Variants in ATL1 observed in about 807,000 individuals in gnomAD.
ATL1 encodes the protein atlastin-1.
In ATL1, 31 loss-of-function variants were observed where a neutral mutation model predicts 75.5. The observed-to-expected ratio is 0.41, with a 90% CI of 0.31 to 0.55. The LOEUF is 0.55. Ranked by LOEUF, ATL1 falls within the 20% of genes least tolerant of loss-of-function variation. The probability of loss-of-function intolerance (pLI) is 0.27; values close to 1 mark genes in which losing one functional copy is unlikely to be tolerated. For missense variants in ATL1, 405 were observed against 662.6 expected (o/e 0.61, Z 4.27); for synonymous variants, 226 against 233.3 (o/e 0.97, Z 0.28).
chr14:50,619,666 A>T (rs1420913702), intron 8 of ATL1, among the ~76,000 whole-genome samples: 4 of 152,226 alleles, frequency 2.6e-5, no homozygotes, highest in African/African-American at 4.8e-5. Flanking sequence ...ATCAAACATG[A>T]CAACTACATA....
At chr14:50,536,811 G>A (rs1478346845) in intron 1 of ATL1, among the ~76,000 whole-genome samples, 1 of 152,174 alleles carries the variant, frequency 6.6e-6, no homozygotes, top group Non-Finnish European at 1.5e-5. Flanking sequence ...AGGGTATCTG[G>A]CAGAAGAAAT....
intron 5 of ATL1, 53 bp downstream of exon 5, chr14:50,593,949 T>C (rs2039188388): frequency 3.1e-6 from 4 of 1,288,954 alleles, no homozygotes; most frequent in East Asian, 2.3e-5. Context: ...GAAACATGTA[T>C]AGCAGAACTT....
chr14:50,551,765 G>A (rs1187496755), intron 1 of ATL1, among the ~76,000 whole-genome samples: 1 of 151,902 alleles, frequency 6.6e-6, no homozygotes, highest in African/African-American at 2.4e-5. Context: ...CAAAAATTAT[G>A]TGATAATCTC....
intron 1 of ATL1, among the ~76,000 whole-genome samples, chr14:50,564,017 GGAATA>G (rs1196707904): frequency 2.0e-5 from 3 of 152,016 alleles, no homozygotes; most frequent in Non-Finnish European, 2.9e-5. Context: ...ATGAGGACAA[GGAATA>G]GTATGCCAAA....
At position 50,584,004 on chromosome 14, in the gene ATL1, G is replaced by A. The variant is rs566507665; in HGVS notation, c.35-3827G>A. 1.6e-4 allele frequency among the ~76,000 whole-genome samples: 24 copies of A among 152,298 alleles called. No homozygotes were observed. The South Asian group carries it at 5.0e-3, about 32-fold the overall frequency. The stretch of plus-strand genomic sequence containing the variant: ...AAATTTGTTTCTCATATTTAAAAAA[G>A]AAATGGCTTTTATCTTCCACCCTAC... On this transcript the variant is annotated intron_variant, in intron 1 of 13. Coordinates refer to ENST00000358385, the MANE Select transcript of ATL1 (RefSeq NM_015915.5).
At chr14:50,624,505 C>A (rs1327449360) in intron 11 of ATL1, among the ~76,000 whole-genome samples, 1 of 152,024 alleles carries the variant, frequency 6.6e-6, no homozygotes, top group Non-Finnish European at 1.5e-5. Flanking sequence ...GCTCCATCAA[C>A]CAGCAGTTCC....
chr14:50,560,113 C>A, upstream of ATL1: 1 of 857,424 alleles, frequency 1.2e-6, no homozygotes, highest in Non-Finnish European at 1.9e-6. Flanking sequence ...TTCCTCCCCA[C>A]TCCTTCCCAC....
At position 50,620,662 on chromosome 14, in the gene ATL1, G is replaced by T; in HGVS notation, c.926G>T (p.Ser309Ile). ...ATTCCTTGGCTACTTAGTCCCGAGA[G>T]CCTAGATATTAAAGAGATCAATGGG... ...ILIPWLLSPE[S>I]LDIKEINGNK... The change falls in exon 9 of 14, where the codon AGC becomes ATC. Residue 309 changes from serine (S) to isoleucine (I), a missense_variant. Physicochemically the swap from Ser to Ile is moderately radical, Grantham distance 142 (BLOSUM62 -2). This residue lies in a region of ATL1 where 56 missense variants were observed against 66.6 expected (regional missense o/e 0.84). Coordinates refer to ENST00000358385, the MANE Select transcript of ATL1 (RefSeq NM_015915.5). 1.9e-6 allele frequency: 3 copies of T among 1,613,744 alleles called. No individual in the cohort carries two copies. Among genetic ancestry groups the T allele is most frequent in the South Asian group, 1.1e-5 (1 of 91,076 alleles).
At chr14:50,582,406 T>G (rs1190410881) in intron 1 of ATL1, among the ~76,000 whole-genome samples, 1 of 151,608 alleles carries the variant, frequency 6.6e-6, no homozygotes, top group African/African-American at 2.4e-5. Context: ...TTACAAACTT[T>G]TCTCTTTTTT....
At chr14:50,575,496 T>C (rs993718185) in intron 1 of ATL1, among the ~76,000 whole-genome samples, 2 of 152,196 alleles carry the variant, frequency 1.3e-5, no homozygotes, top group Non-Finnish European at 2.9e-5. Flanking sequence ...TGTTTCCTTA[T>C]CTCTGTTTGT....
chr14:50,618,877 G>GTGTA (rs760117843), intron 8 of ATL1, among the ~76,000 whole-genome samples: 3,522 of 133,166 alleles, frequency 0.026, 63 homozygotes, highest in African/African-American at 0.069. Flanking sequence ...GTGTGTGTGT[G>GTGTA]TATATATATA....
chr14:50,618,064 G>A (rs2039431329), intron 8 of ATL1, among the ~76,000 whole-genome samples: 1 of 152,114 alleles, frequency 6.6e-6, no homozygotes, highest in African/African-American at 2.4e-5. Context: ...ACACACAGTC[G>A]TATCTTATTC....
intron 1 of ATL1, among the ~76,000 whole-genome samples, chr14:50,562,803 A>G (rs1302623027): frequency 6.6e-6 from 1 of 152,260 alleles, no homozygotes; most frequent in African/African-American, 2.4e-5. Flanking sequence ...TATGACATAA[A>G]TGACTTAGAA....
rs1406810954 is a variant in ATL1, at chr14:50,632,234, G to A, written c.1572G>A (p.Leu524=). 1.2e-6 allele frequency: 2 copies of A among 1,610,864 alleles called. No individual in the cohort carries two copies. Among genetic ancestry groups the A allele is most frequent in the Non-Finnish European group, 1.7e-6 (2 of 1,177,616 alleles). The change falls in exon 14 of 14, where the codon TTG becomes TTA. Residue 524 remains leucine, a synonymous_variant. Coordinates refer to ENST00000358385, the MANE Select transcript of ATL1 (RefSeq NM_015915.5). The part of the protein sequence containing the change: ...LWDQGSTNEA[L]YKLYSAAATH... The stretch of plus-strand genomic sequence containing the variant: ...TTTTGATGCTTTTATTCTAGGCTTT[G>A]TACAAGCTTTACAGTGCAGCAGCAA...
In ATL1 at chr14:50,591,630, C is replaced by T. The variant is rs1258561483; in HGVS notation, c.513C>T (p.Ser171=). Residue 171 remains serine (S), a synonymous_variant, in exon 4 of 14, where the codon AGC becomes AGT. Transcript: ENST00000358385. ...TATTTGCCCTTAGCACAATGATCAG[C>T]TCAATACAGGTATGAAATAAGCCCA... ...ATVFALSTMI[S]SIQVYNLSQN... 1 of 1,611,630 alleles carries T rather than the reference C, an allele frequency of 6.2e-7. No homozygotes were observed. Among genetic ancestry groups the T allele is most frequent in the South Asian group, 1.1e-5 (1 of 91,036 alleles).
rs140970721 is a variant in ATL1, at chr14:50,619,280, C to T, written c.863-1319C>T. The stretch of plus-strand genomic sequence containing the variant: ...TTCACCGTGTTAGCCAGGATGGTGT[C>T]GATCTCCTGACCTCATGATCCACCC... On this transcript the variant is annotated intron_variant, in intron 8 of 13. Coordinates refer to ENST00000358385, the MANE Select transcript of ATL1 (RefSeq NM_015915.5). Among the ~76,000 whole-genome samples the T allele has an allele frequency of 1.9e-3, 286 of 151,946 alleles. 1 individual carries two copies. Among genetic ancestry groups the T allele is most frequent in the Non-Finnish European group, 6.6e-4 (45 of 67,898 alleles).
chr14:50,614,660 CTGGTGCTCCTCCT>C (rs562643026), intron 8 of ATL1, 149 bp downstream of exon 8: 2 of 893,436 alleles, frequency 2.2e-6, no homozygotes, highest in South Asian at 3.0e-5. Context: ...GCATCCTGGG[CTGGTGCTCCTCCT>C]TGGTGAACTG....
At chr14:50,579,346 T>C (rs2039035655) in intron 1 of ATL1, among the ~76,000 whole-genome samples, 1 of 152,228 alleles carries the variant, frequency 6.6e-6, no homozygotes, top group African/African-American at 2.4e-5. Context: ...TGTTTGTTTA[T>C]ACTTGTGATA....
chr14:50,609,180 T>C (rs1292411607), intron 6 of ATL1, among the ~76,000 whole-genome samples: 3 of 152,036 alleles, frequency 2.0e-5, no homozygotes, highest in Admixed American at 2.0e-4. Context: ...CCCATGACCC[T>C]TAATGCAAAA....
Sources: gnomAD v4.1 joint callset for allele counts (sites outside exome capture counted in the v4.1 genomes callset) on GRCh38, gnomAD v4.1.1 for gene constraint, gnomAD v4.1.1 regional missense constraint, MANE v1.5 for transcripts, NCBI Gene and HGNC (gene_info 2026-07-23, HGNC 2026-07-21) for gene names.